SMAD3: variants seen among roughly 807,000 people sequenced by gnomAD.
SMAD3 encodes SMAD family member 3, also known as MAD homolog 3.
A neutral mutation model predicts 51.8 loss-of-function variants in SMAD3; 12 were observed. The observed-to-expected ratio is 0.23, with a 90% CI of 0.15 to 0.38. The LOEUF (loss-of-function observed/expected upper bound fraction) is 0.38, where lower values mean the gene tolerates loss of function less well. Among genes scored for constraint, SMAD3 ranks in the 10% least tolerant of loss-of-function variants. The pLI is 1.00. For missense variants in SMAD3, 294 were observed against 565.6 expected, an observed-to-expected ratio of 0.52 and a Z score of 4.87; for synonymous variants, 238 against 227.7, an observed-to-expected ratio of 1.05 and a Z score of -0.41.
At chr15:67,076,917 T>G (rs1960182844) in intron 1 of SMAD3, among the ~76,000 whole-genome samples, 1 of 152,180 alleles carries the variant, frequency 6.6e-6, no homozygotes, top group East Asian at 1.9e-4. Context: ...ATGAAGGAAT[T>G]GGCTAGAGCT....
chr15:67,072,609 GC>G (rs1427381089), intron 1 of SMAD3, among the ~76,000 whole-genome samples: 1 of 152,188 alleles, frequency 6.6e-6, no homozygotes, highest in Non-Finnish European at 1.5e-5. Context: ...CAAGAGAACT[GC>G]CCAAGAAGGC....
At chr15:67,123,849 A>G (rs1209684056) in intron 1 of SMAD3, among the ~76,000 whole-genome samples, 1 of 152,212 alleles carries the variant, frequency 6.6e-6, no homozygotes, top group Non-Finnish European at 1.5e-5. Flanking sequence ...AACATCCCAG[A>G]GTATCCAAAA....
chr15:67,139,178 G>A (rs1961750563), intron 1 of SMAD3, among the ~76,000 whole-genome samples: 1 of 152,180 alleles, frequency 6.6e-6, no homozygotes, highest in Non-Finnish European at 1.5e-5. Flanking sequence ...GGAAAAGAAG[G>A]GGGCTAGAGG....
At chr15:67,139,669 G>C (rs557993595) in intron 1 of SMAD3, among the ~76,000 whole-genome samples, 2 of 152,076 alleles carry the variant, frequency 1.3e-5, no homozygotes, top group Non-Finnish European at 2.9e-5. Flanking sequence ...AGCCAGGTAC[G>C]ATTCCAGCTA....
chr15:67,118,313 G>A (rs538360314), intron 1 of SMAD3, among the ~76,000 whole-genome samples: 164 of 152,330 alleles, frequency 1.1e-3, no homozygotes, highest in Non-Finnish European at 2.0e-3. Context: ...GTAAAGATAT[G>A]GATAGCGCTT....
intron 1 of SMAD3, among the ~76,000 whole-genome samples, chr15:67,118,204 C>T (rs991292854): frequency 2.0e-5 from 3 of 152,188 alleles, no homozygotes; most frequent in African/African-American, 4.8e-5. Context: ...AAGATAGGCA[C>T]GGAACAAGTC....
chr15:67,115,425 A>C (rs1218188851), intron 1 of SMAD3, among the ~76,000 whole-genome samples: 1 of 152,222 alleles, frequency 6.6e-6, no homozygotes, highest in African/African-American at 2.4e-5. Flanking sequence ...AGCAAACAGA[A>C]AAGTTGTTTT....
chr15:67,099,118 G>A (rs1019201266), intron 1 of SMAD3: 1 of 667,796 alleles, frequency 1.5e-6, no homozygotes. Context: ...CTGCATTCCT[G>A]GGAATACACT....
intron 1 of SMAD3, among the ~76,000 whole-genome samples, chr15:67,128,344 G>C (rs888630794): frequency 2.6e-5 from 4 of 152,116 alleles, no homozygotes; most frequent in Non-Finnish European, 5.9e-5. Flanking sequence ...GAACAGCTAG[G>C]TTCAGATCCC....
intron 5 of SMAD3, among the ~76,000 whole-genome samples, chr15:67,178,723 A>G (rs949387161): frequency 6.6e-6 from 1 of 151,770 alleles, no homozygotes; most frequent in Non-Finnish European, 1.5e-5. Context: ...TTTAGTGACC[A>G]CATTGTTTAG....
chr15:67,117,957 T>A (rs1961172957), intron 1 of SMAD3, among the ~76,000 whole-genome samples: 1 of 152,214 alleles, frequency 6.6e-6, no homozygotes, highest in Non-Finnish European at 1.5e-5. Context: ...CCGGGCGTGG[T>A]GACGGGTGCC....
chr15:67,182,986 TAAAAA>T lies in SMAD3; in HGVS notation c.871+1544_871+1548del, dbSNP rs35277759. On this transcript the variant is annotated intron_variant, in intron 6 of 8. Coordinates refer to ENST00000327367, the MANE Select transcript of SMAD3 (RefSeq NM_005902.4). ...CAACTGGCTTTTTTCTATATTTTAT[TAAAAA>T]AAAAAAAAAATATATATATATATAT... Among the ~76,000 whole-genome samples, 386 of 47,994 alleles carry T rather than the reference TAAAAA, an allele frequency of 8.0e-3. 8 individuals are homozygous for T. The highest frequency in any genetic ancestry group is 0.026 in the East Asian group (23 of 890). The allele number at this position is 47,994 out of a possible 152,430, so 31.5% of individuals were successfully genotyped here. A position where few individuals can be genotyped will look rare whatever the true frequency, so the allele number is the denominator to read the frequency against.
chr15:67,138,282 GAGGCGTC>G, intron 1 of SMAD3: 1 of 567,224 alleles, frequency 1.8e-6, no homozygotes, highest in Non-Finnish European at 3.2e-6. Context: ...GGGTGAAGCA[GAGGCGTC>G]GCTCAGGGCC....
chr15:67,066,540 C>T (rs1272801940), intron 1 of SMAD3, among the ~76,000 whole-genome samples, 180 bp downstream of exon 1: 1 of 152,200 alleles, frequency 6.6e-6, no homozygotes, highest in Non-Finnish European at 1.5e-5. Context: ...GGACCCCAAA[C>T]AAAACCATCT....
Position 67,141,767 on chromosome 15 carries a change from C to T in SMAD3, c.207-23128C>T, listed in dbSNP as rs546287415. Among the ~76,000 whole-genome samples the T allele has an allele frequency of 9.1e-4, 138 of 152,322 alleles. 1 individual carries two copies. The highest frequency in any genetic ancestry group is 3.2e-3 in the African/African-American group (133 of 41,556). ...CGATACCTTGAGTCCACCCCCCATA[C>T]ACCCATTAGACTCCTGAGTCTTAAA... On this transcript the variant is annotated intron_variant, in intron 1 of 8. Transcript: ENST00000327367.
At position 67,155,912 on chromosome 15, in the gene SMAD3, G is replaced by A. The variant is rs545259196; in HGVS notation, c.207-8983G>A. On this transcript the variant is annotated intron_variant, in intron 1 of 8. Transcript: ENST00000327367. ...TGAGGCAGGAGAATCGCTTGAACCC[G>A]GGGGCAGAGGTTGCAGTGAGCCAAG... Among the ~76,000 whole-genome samples, 158 of 151,986 alleles carry A rather than the reference G, an allele frequency of 1.0e-3. 1 individual carries two copies. Among genetic ancestry groups the A allele is most frequent in the African/African-American group, 3.5e-3 (146 of 41,444 alleles).
At chr15:67,092,154 GCCT>G (rs1294599871) in intron 1 of SMAD3, among the ~76,000 whole-genome samples, 1 of 152,170 alleles carries the variant, frequency 6.6e-6, no homozygotes, top group Non-Finnish European at 1.5e-5. Context: ...CCTGCTGGAG[GCCT>G]CCTGATCTGG....
At chr15:67,166,344 AAAT>A (rs1962588506) in intron 3 of SMAD3, among the ~76,000 whole-genome samples, 1 of 152,198 alleles carries the variant, frequency 6.6e-6, no homozygotes, top group Non-Finnish European at 1.5e-5. Flanking sequence ...TAGAGACAAC[AAAT>A]AATAACACCT....
At chr15:67,182,990 AAAAAAAAAAAATAT>A (rs1190051274) in intron 6 of SMAD3, among the ~76,000 whole-genome samples, 1 of 31,330 alleles carries the variant, frequency 3.2e-5, no homozygotes, top group African/African-American at 1.3e-4. Context: ...TTTTATTAAA[AAAAAAAAAAAATAT>A]ATATATATAT....
Sources: gnomAD v4.1 joint callset for allele counts (sites outside exome capture counted in the v4.1 genomes callset) on GRCh38, gnomAD v4.1.1 for gene constraint, MANE v1.5 for transcripts, NCBI Gene and HGNC (gene_info 2026-07-23, HGNC 2026-07-21) for gene names.